Variants in RBFOX1 observed in about 807,000 individuals in gnomAD.
RBFOX1 encodes RNA binding protein fox-1 homolog 1.
Under a neutral mutation model 57.7 loss-of-function variants are expected in RBFOX1, and 8 were observed. That is an observed-to-expected ratio of 0.14 (90% CI 0.08 to 0.25). RBFOX1 has a LOEUF of 0.25. Among genes scored for constraint, RBFOX1 ranks in the 10% least tolerant of loss-of-function variants. RBFOX1 has a pLI of 1.00. For missense variants in RBFOX1, 611 were observed against 548.5 expected (o/e 1.11, Z -1.14); for synonymous variants, 326 against 222.4 (o/e 1.47, Z -4.15).
intron 4 of RBFOX1, among the ~76,000 whole-genome samples, chr16:7,205,248 C>T (rs1052003434): frequency 8.6e-5 from 13 of 151,858 alleles, no homozygotes; most frequent in East Asian, 1.9e-4. Flanking sequence ...CGGGGCGTGG[C>T]GGCTCACACC....
intron 3 of RBFOX1, among the ~76,000 whole-genome samples, chr16:6,829,902 C>A (rs1023922174): frequency 6.8e-6 from 1 of 148,060 alleles, no homozygotes; most frequent in Non-Finnish European, 1.5e-5. Flanking sequence ...ATGCCCAGCC[C>A]TTTATTTTTA....
chr16:5,977,258 C>A (rs570315177), intron 4 of RBFOX1, among the ~76,000 whole-genome samples: 1 of 152,220 alleles, frequency 6.6e-6, no homozygotes, highest in African/African-American at 2.4e-5. Flanking sequence ...CACCACCTCT[C>A]TGCCTGCCCC....
chr16:5,293,814 G>A (rs532341455), intron 1 of RBFOX1, among the ~76,000 whole-genome samples: 1 of 151,908 alleles, frequency 6.6e-6, no homozygotes, highest in African/African-American at 2.4e-5. Flanking sequence ...GGCGGGGGGT[G>A]TTAATGAAAA....
intron 3 of RBFOX1, among the ~76,000 whole-genome samples, chr16:6,862,684 A>C (rs1394245803): frequency 6.6e-6 from 1 of 152,158 alleles, no homozygotes; most frequent in South Asian, 2.1e-4. Flanking sequence ...TAGAATTGGA[A>C]TCATCACAGA....
chr16:5,800,934 C>A (rs1415136341), intron 3 of RBFOX1, among the ~76,000 whole-genome samples: 1 of 152,076 alleles, frequency 6.6e-6, no homozygotes, highest in East Asian at 1.9e-4. Context: ...ATGGAATCTG[C>A]CTTCTTGTCC....
At chr16:6,972,852 A>C (rs1343245214) in intron 3 of RBFOX1, among the ~76,000 whole-genome samples, 1 of 152,162 alleles carries the variant, frequency 6.6e-6, no homozygotes, top group Admixed American at 6.5e-5. Context: ...GGCCGGATGC[A>C]GTGGTTCATG....
At chr16:6,257,070 T>C (rs1021431255) in intron 1 of RBFOX1, among the ~76,000 whole-genome samples, 3 of 152,180 alleles carry the variant, frequency 2.0e-5, no homozygotes, top group African/African-American at 4.8e-5. Flanking sequence ...TTTTTTGATG[T>C]ATTTTATTTA....
chr16:5,338,513 C>T (rs181104087), intron 1 of RBFOX1, among the ~76,000 whole-genome samples: 282 of 152,332 alleles, frequency 1.9e-3, no homozygotes, highest in African/African-American at 6.5e-3. Flanking sequence ...TGAAGGTAAC[C>T]TTCTTGACAG....
intron 1 of RBFOX1, among the ~76,000 whole-genome samples, chr16:5,448,780 A>G (rs1393263590): frequency 6.6e-6 from 1 of 152,256 alleles, no homozygotes; most frequent in Non-Finnish European, 1.5e-5. Flanking sequence ...TTTTTTGAGC[A>G]CAAATTCGGT....
Position 6,780,045 on chromosome 16 carries a change from TTACATATTTA to T in RBFOX1, c.-16+125398_-16+125407del, listed in dbSNP as rs1567211950. On this transcript the variant is annotated intron_variant, in intron 3 of 15. Transcript: ENST00000550418. ...TATATTTATATATATTTATATATAT[TTACATATTTA>T]TATATATTTATATATATTTACATAT... 6.9e-3 allele frequency among the ~76,000 whole-genome samples: 102 copies of T among 14,834 alleles called. 7 individuals carry two copies. The highest frequency in any genetic ancestry group is 0.018 in the East Asian group (2 of 114). The allele number at this position is 14,834 out of a possible 152,430, so 9.7% of individuals were successfully genotyped here.
intron 3 of RBFOX1, among the ~76,000 whole-genome samples, chr16:6,679,878 G>GGTTTTTTTT (rs1487919870): frequency 3.5e-5 from 4 of 114,304 alleles, no homozygotes; most frequent in African/African-American, 7.8e-5. Context: ...GTTTCTACTT[G>GGTTTTTTTT]TTTTTTTTTT....
intron 10 of RBFOX1, among the ~76,000 whole-genome samples, chr16:7,610,581 C>T (rs936479163): frequency 2.0e-5 from 3 of 152,234 alleles, no homozygotes; most frequent in South Asian, 2.1e-4. Flanking sequence ...TGCCACTATC[C>T]GGATTATCCG....
intron 13 of RBFOX1, among the ~76,000 whole-genome samples, chr16:7,666,354 C>G (rs10521084): frequency 0.094 from 14,057 of 150,196 alleles, 772 homozygotes; most frequent in Middle Eastern, 0.16. Context: ...AAAAATCCAC[C>G]AAAATGGAAA....
At position 6,962,716 on chromosome 16, in the gene RBFOX1, T is replaced by C. The variant is rs1052720842; in HGVS notation, c.-15-89341T>C. ...TCAGCCTCTACAAATAGTAAAAAAT[T>C]AGTCAGGAGCAGTAGCATGTGTGTG... On this transcript the variant is annotated intron_variant, in intron 3 of 15. Coordinates refer to ENST00000550418, the MANE Select transcript of RBFOX1 (RefSeq NM_018723.4). Among the ~76,000 whole-genome samples, 8 of 152,048 alleles carry C rather than the reference T, an allele frequency of 5.3e-5. 1 individual carries two copies. Among genetic ancestry groups the C allele is most frequent in the South Asian group, 2.1e-4 (1 of 4,804 alleles).
intron 10 of RBFOX1, among the ~76,000 whole-genome samples, chr16:7,619,851 G>A (rs1468717879): frequency 1.3e-5 from 2 of 152,116 alleles, no homozygotes; most frequent in African/African-American, 4.8e-5. Flanking sequence ...TGCCAAATTG[G>A]AGGAGCTGTG....
chr16:6,222,513 T>A (rs1434233497), intron 1 of RBFOX1, among the ~76,000 whole-genome samples: 1 of 151,740 alleles, frequency 6.6e-6, no homozygotes, highest in South Asian at 2.1e-4. Context: ...TGCAGATACA[T>A]CAGCTCTGAC....
intron 1 of RBFOX1, among the ~76,000 whole-genome samples, chr16:5,442,807 CT>C (rs2068124423): frequency 6.6e-6 from 1 of 152,170 alleles, no homozygotes; most frequent in Admixed American, 6.5e-5. Flanking sequence ...TGTCTCTTCC[CT>C]GCCAAATTCA....
intron 5 of RBFOX1, among the ~76,000 whole-genome samples, chr16:7,569,275 A>T (rs7197594): frequency 0.39 from 58,997 of 151,972 alleles, 11,861 homozygotes; most frequent in South Asian, 0.53. Flanking sequence ...GTAGCATGGG[A>T]ATCACCAGGT....
chr16:6,932,123 C>T (rs565060722), intron 3 of RBFOX1, among the ~76,000 whole-genome samples: 4 of 152,080 alleles, frequency 2.6e-5, no homozygotes, highest in South Asian at 2.1e-4. Context: ...TTTGTTTTTT[C>T]AGATGGCATC....
Sources: allele counts gnomAD v4.1 joint callset (sites outside exome capture counted in the v4.1 genomes callset), GRCh38; gene constraint gnomAD v4.1.1; transcripts MANE v1.5; gene names NCBI Gene and HGNC (gene_info 2026-07-23, HGNC 2026-07-21).